The following LRRD1 variants were observed in gnomAD, a reference collection of about 807,000 sequenced individuals.
The protein encoded by LRRD1 is leucine rich repeats and death domain containing 1.
A neutral mutation model predicts 69.5 loss-of-function variants in LRRD1; 49 were observed. The observed-to-expected ratio is 0.70, with a 90% CI of 0.56 to 0.89. The LOEUF (loss-of-function observed/expected upper bound fraction) is 0.89. LRRD1 is among the 40% of genes least tolerant of loss of function. The probability of loss-of-function intolerance (pLI) is 0.00; values close to 1 mark genes in which losing one functional copy is unlikely to be tolerated. For synonymous variants in LRRD1, 303 were observed against 338.9 expected (o/e 0.89, Z 1.16); for missense variants, 853 against 956.0 (o/e 0.89, Z 1.42).
At chr7:92,150,300 C>A (rs543393715) in intron 4 of LRRD1, among the ~76,000 whole-genome samples, 7 of 151,854 alleles carry the variant, frequency 4.6e-5, no homozygotes, top group Non-Finnish European at 1.0e-4. Context: ...CCTGTCTCTA[C>A]TAAAAGATTA....
chr7:92,150,772 C>A, intron 3 of LRRD1, 77 bp from the exon 4 acceptor site: 2 of 1,096,398 alleles, frequency 1.8e-6, no homozygotes, highest in South Asian at 1.7e-5. Flanking sequence ...TCTGTTATGT[C>A]TTGCTGGCAA....
chr7:92,171,340 G>C (rs1563194875), intron 1 of LRRD1, among the ~76,000 whole-genome samples: 1 of 151,910 alleles, frequency 6.6e-6, no homozygotes, highest in Non-Finnish European at 1.5e-5. Flanking sequence ...CAAATAAGGA[G>C]ATATAACAAC....
chr7:92,144,628 C>CAAAAA (rs61338977), downstream of LRRD1, among the ~76,000 whole-genome samples: 1 of 85,860 alleles, frequency 1.2e-5, no homozygotes, highest in Non-Finnish European at 2.4e-5. Context: ...AACTCCATCT[C>CAAAAA]AAAAAAAAAA....
At chr7:92,156,821 G>A (rs1788667842) in intron 3 of LRRD1, among the ~76,000 whole-genome samples, 1 of 152,128 alleles carries the variant, frequency 6.6e-6, no homozygotes, top group Non-Finnish European at 1.5e-5. Flanking sequence ...AAAAGAAGTG[G>A]TGAGAAAGGA....
chr7:92,144,854 CA>C lies in LRRD1; in HGVS notation c.*33del, dbSNP rs1247252559. The C allele has an allele frequency of 1.5e-6, 2 of 1,332,796 alleles. No individual in the cohort carries two copies. The highest frequency in any genetic ancestry group is 3.5e-5 in the South Asian group (2 of 57,142). The allele number at this position is 1,332,796 out of a possible 1,614,324, so 82.6% of individuals were successfully genotyped here. A position where few individuals can be genotyped will look rare whatever the true frequency, so the allele number is the denominator to read the frequency against. ...AACACAGTTTCAATTATAAGTGCAT[CA>C]AAAGTTTTCAGTTTTTATTATTGAT... is the stretch of plus-strand genomic sequence containing the variant. On this transcript the variant is annotated 3_prime_UTR_variant, in exon 6 of 6. Coordinates refer to ENST00000458448, the MANE Select transcript of LRRD1 (RefSeq NM_001161528.2).
chr7:92,176,265 A>G (rs1789194334), intron 1 of LRRD1, among the ~76,000 whole-genome samples: 1 of 152,150 alleles, frequency 6.6e-6, no homozygotes, highest in African/African-American at 2.4e-5. Flanking sequence ...ATCTTTTTTT[A>G]GTTTTTAAAA....
intron 2 of LRRD1, among the ~76,000 whole-genome samples, chr7:92,160,371 G>GA (rs1388567974): frequency 2.6e-5 from 4 of 152,088 alleles, no homozygotes; most frequent in African/African-American, 7.2e-5. Flanking sequence ...TATATCCTAT[G>GA]AAAAAATCAG....
At chr7:92,142,260 A>G (rs541677424), downstream of LRRD1, 10 of 343,294 alleles carry the variant, frequency 2.9e-5, no homozygotes, top group African/African-American at 1.7e-4. Flanking sequence ...ATTCTTAACC[A>G]CTTGTATTAG....
chr7:92,154,914 CTT>C (rs1404142955), intron 3 of LRRD1, among the ~76,000 whole-genome samples: 1 of 152,198 alleles, frequency 6.6e-6, no homozygotes, highest in Non-Finnish European at 1.5e-5. Flanking sequence ...CTGTTCATGT[CTT>C]TCACCCACAA....
intron 3 of LRRD1, 65 bp from the exon 4 acceptor site, chr7:92,150,760 C>T: frequency 1.7e-6 from 2 of 1,205,556 alleles, no homozygotes; most frequent in Non-Finnish European, 1.2e-6. Flanking sequence ...AGACAAATAA[C>T]ATCTGTTATG....
chr7:92,178,314 A>T (rs1220524213), intron 1 of LRRD1, among the ~76,000 whole-genome samples: 1 of 152,006 alleles, frequency 6.6e-6, no homozygotes, highest in East Asian at 1.9e-4. Flanking sequence ...ACTCCGTCTC[A>T]AAAGACAAAC....
rs1303985843 is a variant in LRRD1 at position 92,165,035 on chromosome 7, A to G, written c.168T>C (p.Tyr56=). The change falls in exon 2 of 6, where the codon TAT becomes TAC. Residue 56 remains tyrosine (Y), a synonymous_variant. Coordinates refer to ENST00000458448, the MANE Select transcript of LRRD1 (RefSeq NM_001161528.2). ...ATGTATTCTGTCTAGGATGTGTTTC[A>G]TAAATCTGGTTAGAAGATTTCCCTT... The part of the protein sequence containing the change: ...YLEGKSSNQI[Y]ETHPRQNTLE... The G allele has an allele frequency of 1.7e-5, 27 of 1,551,444 alleles. No homozygotes were observed. Among genetic ancestry groups the G allele is most frequent in the Non-Finnish European group, 2.3e-5 (26 of 1,146,946 alleles).
downstream of LRRD1, among the ~76,000 whole-genome samples, chr7:92,143,830 G>C (rs1022324120): frequency 2.0e-5 from 3 of 152,272 alleles, no homozygotes; most frequent in Non-Finnish European, 4.4e-5. Context: ...AGCCCAGGCA[G>C]AGGAGGCGCC....
At chr7:92,147,028 A>G (rs1455145437) in intron 4 of LRRD1, among the ~76,000 whole-genome samples, 2 of 151,922 alleles carry the variant, frequency 1.3e-5, no homozygotes, top group East Asian at 3.9e-4. Context: ...GAAAAATCCA[A>G]CACTTAAAAT....
chr7:92,154,331 A>C (rs1435787611), intron 3 of LRRD1, among the ~76,000 whole-genome samples: 1 of 151,684 alleles, frequency 6.6e-6, no homozygotes, highest in Non-Finnish European at 1.5e-5. Flanking sequence ...CCTCAGCCTC[A>C]TGGGTTCAAG....
chr7:92,174,087 A>T (rs1789113097), intron 1 of LRRD1, among the ~76,000 whole-genome samples: 2 of 152,272 alleles, frequency 1.3e-5, no homozygotes, highest in East Asian at 3.9e-4. Context: ...AAAAAGATAA[A>T]TATCATATGT....
intron 3 of LRRD1, among the ~76,000 whole-genome samples, chr7:92,158,498 T>C (rs1308613542): frequency 6.6e-6 from 1 of 152,214 alleles, no homozygotes; most frequent in Non-Finnish European, 1.5e-5. Context: ...TGTTGTACTT[T>C]GGGAAATCTT....
intron 2 of LRRD1, among the ~76,000 whole-genome samples, chr7:92,160,284 G>T (rs1788769311): frequency 6.6e-6 from 1 of 152,152 alleles, no homozygotes; most frequent in Admixed American, 6.5e-5. Context: ...TGTGCTATAT[G>T]TTCTTCCAGG....
At chr7:92,145,460 T>C (rs1037193708) in intron 5 of LRRD1, among the ~76,000 whole-genome samples, 1 of 150,292 alleles carries the variant, frequency 6.7e-6, no homozygotes, top group Admixed American at 6.6e-5. Context: ...TTTTTTTTTT[T>C]AGACAGAGTC....
Sources: allele counts gnomAD v4.1 joint callset (sites outside exome capture counted in the v4.1 genomes callset), GRCh38; gene constraint gnomAD v4.1.1; transcripts MANE v1.5; gene names NCBI Gene and HGNC (gene_info 2026-07-23, HGNC 2026-07-21).